SPON1: variants seen among roughly 807,000 people sequenced by gnomAD.
SPON1 encodes spondin 1.
A neutral mutation model predicts 111.7 loss-of-function variants in SPON1; 52 were observed. The observed-to-expected ratio is 0.47, with a 90% CI of 0.37 to 0.59. The LOEUF (loss-of-function observed/expected upper bound fraction) is 0.59. SPON1 is among the 20% of genes least tolerant of loss of function. The pLI is 0.00. For missense variants in SPON1, 957 were observed against 1,068.5 expected, an observed-to-expected ratio of 0.90 and a Z score of 1.46; for synonymous variants, 410 against 395.8, an observed-to-expected ratio of 1.04 and a Z score of -0.43.
chr11:13,976,257 T>C (rs1159592726), intron 1 of SPON1, among the ~76,000 whole-genome samples: 8 of 152,200 alleles, frequency 5.3e-5, no homozygotes, highest in African/African-American at 1.7e-4. Context: ...CTTTAATTTC[T>C]TGGATCTCTT....
intron 3 of SPON1, among the ~76,000 whole-genome samples, chr11:14,068,626 G>C (rs1461778346): frequency 6.6e-6 from 1 of 152,124 alleles, no homozygotes; most frequent in Non-Finnish European, 1.5e-5. Context: ...TCCCGTCCCT[G>C]GTTTTAAAAA....
rs910939381 is a variant in SPON1, at chr11:14,206,753, A to G, written c.826-36579A>G. Among the ~76,000 whole-genome samples the G allele has an allele frequency of 5.9e-5, 9 of 152,242 alleles. No homozygotes were observed. In the South Asian group the frequency reaches 1.9e-3, roughly 32 times the overall value. On this transcript the variant is annotated intron_variant, in intron 6 of 15. Coordinates refer to ENST00000576479, the MANE Select transcript of SPON1 (RefSeq NM_006108.4). Reference sequence around the variant, plus strand: ...CACAGATGACACAAACAAATGGAAAAACATTCCATGCCCGTGGATAGGGAA... The same window carrying G: ...CACAGATGACACAAACAAATGGAAAGACATTCCATGCCCGTGGATAGGGAA...
chr11:13,997,148 T>C (rs1185991168), intron 2 of SPON1, among the ~76,000 whole-genome samples: 1 of 152,246 alleles, frequency 6.6e-6, no homozygotes, highest in East Asian at 1.9e-4. Context: ...TATGTATATA[T>C]GAGCTCTATT....
At chr11:13,994,723 A>C (rs1554911585) in intron 2 of SPON1, among the ~76,000 whole-genome samples, 1 of 152,230 alleles carries the variant, frequency 6.6e-6, no homozygotes, top group African/African-American at 2.4e-5. Context: ...CAACAATAAC[A>C]AGAAAAATAC....
chr11:14,154,739 G>A (rs1417662880), intron 6 of SPON1, among the ~76,000 whole-genome samples: 4 of 152,194 alleles, frequency 2.6e-5, no homozygotes, highest in Non-Finnish European at 4.4e-5. Flanking sequence ...ACATGGCCAG[G>A]CTGCAAGTTT....
chr11:14,003,372 T>C (rs1435158205), intron 2 of SPON1, among the ~76,000 whole-genome samples: 1 of 152,164 alleles, frequency 6.6e-6, no homozygotes, highest in Admixed American at 6.5e-5. Flanking sequence ...AGAAAAGGGA[T>C]GTTCTGCCCA....
At chr11:14,232,965 G>A (rs1467972775) in intron 6 of SPON1, among the ~76,000 whole-genome samples, 4 of 152,008 alleles carry the variant, frequency 2.6e-5, no homozygotes, top group African/African-American at 9.7e-5. Flanking sequence ...TTTCTGAAGA[G>A]GCCCTGGGCA....
chr11:14,039,316 T>C (rs1367200540), intron 2 of SPON1, among the ~76,000 whole-genome samples: 1 of 152,178 alleles, frequency 6.6e-6, no homozygotes. Context: ...GAGAGCAGCA[T>C]AATGTAAACT....
At chr11:14,260,018 T>C (rs1849154751) in intron 13 of SPON1, among the ~76,000 whole-genome samples, 1 of 152,084 alleles carries the variant, frequency 6.6e-6, no homozygotes, top group African/African-American at 2.4e-5. Context: ...GGAGGGCCAA[T>C]ACATTTAGGC....
intron 7 of SPON1, among the ~76,000 whole-genome samples, chr11:14,244,763 G>A (rs1848969697): frequency 6.6e-6 from 1 of 152,144 alleles, no homozygotes; most frequent in Non-Finnish European, 1.5e-5. Context: ...CAACAAAAAA[G>A]AATCCAAATC....
chr11:14,061,967 G>A (rs567888463), intron 3 of SPON1, among the ~76,000 whole-genome samples: 2 of 152,332 alleles, frequency 1.3e-5, no homozygotes, highest in South Asian at 4.1e-4. Context: ...GACCATCAGT[G>A]CTGGAAGTTT....
intron 6 of SPON1, among the ~76,000 whole-genome samples, chr11:14,194,003 G>A (rs1279003087): frequency 6.6e-6 from 1 of 152,218 alleles, no homozygotes; most frequent in Non-Finnish European, 1.5e-5. Context: ...CTGAGCCCCT[G>A]GTGAAGCTGA....
chr11:14,079,355 C>T (rs1554921796), intron 4 of SPON1, among the ~76,000 whole-genome samples: 4 of 152,192 alleles, frequency 2.6e-5, no homozygotes, highest in Non-Finnish European at 4.4e-5. Context: ...TAAGAAGTGA[C>T]GTGATTATAT....
chr11:14,014,801 T>A (rs1018857768), intron 2 of SPON1, among the ~76,000 whole-genome samples: 43 of 152,368 alleles, frequency 2.8e-4, no homozygotes, highest in African/African-American at 9.6e-4. Context: ...GTGGCCTTTT[T>A]AAATACTTTT....
At chr11:14,152,789 G>A (rs2133869141) in intron 6 of SPON1, among the ~76,000 whole-genome samples, 1 of 152,282 alleles carries the variant, frequency 6.6e-6, no homozygotes, top group East Asian at 1.9e-4. Context: ...CAAATATAAA[G>A]GATGTGTTTA....
intron 6 of SPON1, among the ~76,000 whole-genome samples, chr11:14,199,609 G>T (rs1554935404): frequency 6.6e-6 from 1 of 152,034 alleles, no homozygotes; most frequent in East Asian, 1.9e-4. Flanking sequence ...AACTAGAAAG[G>T]GCTTTTTAAA....
At chr11:14,134,359 C>T (rs1185628021) in intron 5 of SPON1, among the ~76,000 whole-genome samples, 3 of 152,170 alleles carry the variant, frequency 2.0e-5, no homozygotes, top group Non-Finnish European at 4.4e-5. Context: ...CTATCAGTTC[C>T]TTCTTCCTCC....
chr11:14,207,073 A>G (rs1334421978), intron 6 of SPON1, among the ~76,000 whole-genome samples: 1 of 152,224 alleles, frequency 6.6e-6, no homozygotes, highest in Non-Finnish European at 1.5e-5. Flanking sequence ...GAATTCAGAA[A>G]TAAGACCACA....
At chr11:13,970,188 A>G (rs1848051852) in intron 1 of SPON1, among the ~76,000 whole-genome samples, 1 of 152,178 alleles carries the variant, frequency 6.6e-6, no homozygotes, top group African/African-American at 2.4e-5. Context: ...AAAATGCCCC[A>G]CTTTTACAGA....
Sources: allele counts gnomAD v4.1 joint callset (sites outside exome capture counted in the v4.1 genomes callset), GRCh38; gene constraint gnomAD v4.1.1; transcripts MANE v1.5; gene names NCBI Gene and HGNC (gene_info 2026-07-23, HGNC 2026-07-21).